HECTD2: variants seen among roughly 807,000 people sequenced by gnomAD.
HECTD2 encodes probable E3 ubiquitin-protein ligase HECTD2.
Under a neutral mutation model 103.2 loss-of-function variants are expected in HECTD2, and 35 were observed. The observed-to-expected ratio is 0.34, with a 90% confidence interval of 0.26 to 0.45. HECTD2 has a LOEUF of 0.45. Ranked by LOEUF, HECTD2 falls within the 20% of genes least tolerant of loss-of-function variation. The probability of loss-of-function intolerance (pLI) is 1.00; values close to 1 mark genes in which losing one functional copy is unlikely to be tolerated. For synonymous variants in HECTD2, 281 were observed against 329.9 expected (o/e 0.85, Z 1.61); for missense variants, 596 against 937.4 (o/e 0.64, Z 4.76).
At chr10:91,426,753 A>G (rs919637694) in intron 2 of HECTD2, among the ~76,000 whole-genome samples, 4 of 151,844 alleles carry the variant, frequency 2.6e-5, no homozygotes, top group Non-Finnish European at 5.9e-5. Flanking sequence ...TTGACTCTCA[A>G]TATGGTCCAC....
At chr10:91,425,113 A>G (rs1389486697) in intron 1 of HECTD2, among the ~76,000 whole-genome samples, 168 bp from the exon 2 acceptor site, 1 of 152,080 alleles carries the variant, frequency 6.6e-6, no homozygotes, top group Non-Finnish European at 1.5e-5. Flanking sequence ...GCTGTTTTAT[A>G]TGTGAGACAG....
At chr10:91,501,758 G>A (rs1036952699) in intron 20 of HECTD2, among the ~76,000 whole-genome samples, 11 of 150,800 alleles carry the variant, frequency 7.3e-5, no homozygotes, top group Non-Finnish European at 1.5e-4. Context: ...ATTACCAGAA[G>A]TACCTCTAAT....
In HECTD2 at chr10:91,410,360, C is replaced by G; in HGVS notation, c.-79C>G. 2.1e-6 allele frequency: 2 copies of G among 952,150 alleles called. No homozygotes were observed. The highest frequency in any genetic ancestry group is 2.7e-6 in the Non-Finnish European group (2 of 742,804). The allele number at this position is 952,150 out of a possible 1,614,324, so 59.0% of individuals were successfully genotyped here. On this transcript the variant is annotated 5_prime_UTR_variant, in exon 1 of 21. Coordinates refer to ENST00000298068, the MANE Select transcript of HECTD2 (RefSeq NM_182765.6). ...CGGCAGCCCAGAGCCCTCTCGCGGCCGCGGCGGCAGCAGCAGCGCCAGCCC... is the reference window on the plus strand; with the variant it reads ...CGGCAGCCCAGAGCCCTCTCGCGGCGGCGGCGGCAGCAGCAGCGCCAGCCC...
chr10:91,501,521 TACTA>T (rs1489624504), intron 20 of HECTD2, among the ~76,000 whole-genome samples, 187 bp downstream of exon 20: 7 of 152,140 alleles, frequency 4.6e-5, no homozygotes, highest in South Asian at 2.1e-4. Context: ...TTTTGAGACA[TACTA>T]ACTAATAATT....
intron 5 of HECTD2, among the ~76,000 whole-genome samples, chr10:91,467,149 A>C (rs1280989992): frequency 6.6e-6 from 1 of 152,026 alleles, no homozygotes; most frequent in Non-Finnish European, 1.5e-5. Context: ...TCCTGTGGAA[A>C]GGGTGAGTTG....
Position 91,513,351 on chromosome 10 carries a change from AT to A in HECTD2, c.*972del, listed in dbSNP as rs946499602. ...GATCACCAGTTGTACCAAAACACTA[AT>A]TTTTGAAAAAGATAGGTTAAAGTAT... On this transcript the variant is annotated 3_prime_UTR_variant, in exon 21 of 21. Transcript: ENST00000298068. 6.6e-6 allele frequency: 1 copy of A among 152,658 alleles called. No individual in the cohort carries two copies. Among genetic ancestry groups the A allele is most frequent in the African/African-American group, 2.4e-5 (1 of 41,470 alleles). The allele number at this position is 152,658 out of a possible 1,614,324, so 9.5% of individuals were successfully genotyped here. A position where few individuals can be genotyped will look rare whatever the true frequency, so the allele number is the denominator to read the frequency against.
chr10:91,443,987 A>G (rs553235813), intron 2 of HECTD2, among the ~76,000 whole-genome samples: 2 of 152,154 alleles, frequency 1.3e-5, no homozygotes, highest in African/African-American at 4.8e-5. Flanking sequence ...TATATTTGGT[A>G]ATCTTTATGA....
rs143288851 is a variant in HECTD2, at chr10:91,454,086, T to C, written c.269-6341T>C. Among the ~76,000 whole-genome samples the C allele has an allele frequency of 2.0e-3, 312 of 152,226 alleles. 2 individuals carry two copies. The highest frequency in any genetic ancestry group is 6.9e-3 in the African/African-American group (286 of 41,572). Reference sequence around the variant, plus strand: ...AAACAAAAAAATCCACAATTAGGTATTGAAGTCTCCAACTGTAAGTGTATA... The same window carrying C: ...AAACAAAAAAATCCACAATTAGGTACTGAAGTCTCCAACTGTAAGTGTATA... On this transcript the variant is annotated intron_variant, in intron 2 of 20. Transcript: ENST00000298068.
Position 91,451,395 on chromosome 10 carries a change from A to T in HECTD2, c.269-9032A>T, listed in dbSNP as rs991646388. ...GGTGGATTGGGACCAGGGGAGGGAT[A>T]GCATTAGGAGAAATACTTAATGTAG... is the stretch of plus-strand genomic sequence containing the variant. On this transcript the variant is annotated intron_variant, in intron 2 of 20. Coordinates refer to ENST00000298068, the MANE Select transcript of HECTD2 (RefSeq NM_182765.6). Among the ~76,000 whole-genome samples the T allele has an allele frequency of 1.9e-3, 290 of 152,236 alleles. 5 individuals are homozygous for T. The highest frequency in any genetic ancestry group is 4.7e-4 in the Non-Finnish European group (32 of 68,004).
intron 20 of HECTD2, among the ~76,000 whole-genome samples, chr10:91,505,022 A>C (rs1234673027): frequency 6.6e-6 from 1 of 152,184 alleles, no homozygotes; most frequent in African/African-American, 2.4e-5. Flanking sequence ...CAGCCAAACT[A>C]AGCTTCATAA....
chr10:91,425,313 C>G lies in HECTD2; in HGVS notation c.171C>G (p.Ser57=). Residue 57 remains serine (S), a synonymous_variant, in exon 2 of 21, where the codon TCC becomes TCG. Coordinates refer to ENST00000298068, the MANE Select transcript of HECTD2 (RefSeq NM_182765.6). ...ACAGAGGAGCCAAAGGCCAAATTTC[C>G]ACTTTCAGCAGTTTTATTTCAGCTG... is the stretch of plus-strand genomic sequence containing the variant. ...GLDRGAKGQI[S]TFSSFISAVS... The G allele has an allele frequency of 6.5e-7, 1 of 1,540,284 alleles. No homozygotes were observed. Among genetic ancestry groups the G allele is most frequent in the South Asian group, 1.3e-5 (1 of 78,248 alleles).
intron 2 of HECTD2, among the ~76,000 whole-genome samples, chr10:91,439,746 CTCT>C (rs1844314207): frequency 6.6e-6 from 1 of 152,252 alleles, no homozygotes; most frequent in East Asian, 1.9e-4. Flanking sequence ...TTTGTGTCCT[CTCT>C]TCTTTCCTTG....
intron 2 of HECTD2, among the ~76,000 whole-genome samples, chr10:91,436,939 C>G (rs1844143637): frequency 6.6e-6 from 1 of 151,878 alleles, no homozygotes; most frequent in South Asian, 2.1e-4. Flanking sequence ...ACAACAGAAC[C>G]TTTTACTGTA....
intron 2 of HECTD2, among the ~76,000 whole-genome samples, chr10:91,440,033 G>C (rs940321292): frequency 1.3e-5 from 2 of 152,112 alleles, no homozygotes; most frequent in African/African-American, 4.8e-5. Context: ...TGCAAACAGA[G>C]ACAATTTGAC....
intron 20 of HECTD2, among the ~76,000 whole-genome samples, chr10:91,509,307 A>T (rs1847330256): frequency 6.6e-6 from 1 of 152,138 alleles, no homozygotes; most frequent in Admixed American, 6.5e-5. Context: ...AAAATCAAAA[A>T]ATAGCAGATG....
intron 2 of HECTD2, among the ~76,000 whole-genome samples, chr10:91,450,292 T>C (rs1844750192): frequency 6.6e-6 from 1 of 152,164 alleles, no homozygotes; most frequent in South Asian, 2.1e-4. Context: ...CCCTATTTAA[T>C]AAATGGTGCT....
intron 20 of HECTD2, among the ~76,000 whole-genome samples, chr10:91,503,687 G>T (rs1239002838): frequency 6.6e-6 from 1 of 152,228 alleles, no homozygotes; most frequent in Non-Finnish European, 1.5e-5. Context: ...CAAGGCGGCA[G>T]CGAGGCTGGG....
At chr10:91,434,475 CTT>C (rs1844028610) in intron 2 of HECTD2, among the ~76,000 whole-genome samples, 1 of 151,982 alleles carries the variant, frequency 6.6e-6, no homozygotes, top group Non-Finnish European at 1.5e-5. Context: ...ACTTAGCCCT[CTT>C]GTTTTTTATT....
intron 10 of HECTD2, chr10:91,486,481 A>C (rs1258016414): frequency 6.6e-6 from 1 of 152,192 alleles, no homozygotes; most frequent in Non-Finnish European, 1.5e-5. Context: ...TGGTGTACCA[A>C]GAATGAGTTA....
Sources: allele counts gnomAD v4.1 joint callset (sites outside exome capture counted in the v4.1 genomes callset), GRCh38; gene constraint gnomAD v4.1.1; transcripts MANE v1.5; gene names NCBI Gene and HGNC (gene_info 2026-07-23, HGNC 2026-07-21).